The following PROM1 variants were observed in gnomAD, a reference collection of about 807,000 sequenced individuals.
PROM1 encodes prominin 1, also known as prominin-1.
Under a neutral mutation model 116.9 loss-of-function variants are expected in PROM1, and 105 were observed. The ratio of observed to expected loss-of-function variants is 0.90; its 90% CI spans 0.77 to 1.06. The LOEUF (loss-of-function observed/expected upper bound fraction) is 1.06. Among genes scored for constraint, PROM1 ranks in the 50% least tolerant of loss-of-function variants. The pLI is 0.00. For missense variants in PROM1, 1,122 were observed against 1,045.2 expected, an observed-to-expected ratio of 1.07 and a Z score of -1.01; for synonymous variants, 393 against 387.0, an observed-to-expected ratio of 1.02 and a Z score of -0.18.
At chr4:15,978,147 A>T (rs1233973216) in intron 26 of PROM1, among the ~76,000 whole-genome samples, 1 of 152,184 alleles carries the variant, frequency 6.6e-6, no homozygotes, top group Non-Finnish European at 1.5e-5. Context: ...ACCGAATCTG[A>T]TGGCACCTTG....
chr4:16,014,617 T>C lies in PROM1; in HGVS notation c.1078-1279A>G, dbSNP rs111969210. On this transcript the variant is annotated intron_variant, in intron 10 of 27. Transcript: ENST00000447510. ...AAAAATCAGAACCTGATGATGACAT[T>C]TGGCAGTAGGATATAAATAACTCCC... Among the ~76,000 whole-genome samples the C allele has an allele frequency of 4.2e-3, 634 of 152,262 alleles. 9 individuals carry two copies. Among genetic ancestry groups the C allele is most frequent in the African/African-American group, 0.015 (603 of 41,552 alleles).
intron 2 of PROM1, among the ~76,000 whole-genome samples, chr4:16,058,650 GAAAA>G (rs74677849): frequency 7.7e-6 from 1 of 129,792 alleles, no homozygotes; most frequent in Non-Finnish European, 1.7e-5. Flanking sequence ...CCATCTCCGG[GAAAA>G]AAAAAAAAAA....
intron 18 of PROM1, 133 bp from the exon 19 acceptor site, chr4:15,989,957 TG>T: frequency 4.3e-6 from 3 of 690,670 alleles, no homozygotes; most frequent in African/African-American, 1.8e-5. Flanking sequence ...TGAGTGGGCA[TG>T]GGGGCTGGTG....
intron 26 of PROM1, among the ~76,000 whole-genome samples, chr4:15,975,554 GA>G (rs879910985): frequency 1.3e-5 from 2 of 152,124 alleles, no homozygotes; most frequent in Non-Finnish European, 2.9e-5. Context: ...CTACAAGTGA[GA>G]AAACTGAGTC....
intron 13 of PROM1, among the ~76,000 whole-genome samples, chr4:16,002,629 G>A (rs749389275): frequency 4.6e-5 from 7 of 152,108 alleles, no homozygotes; most frequent in Non-Finnish European, 1.0e-4. Context: ...GACTTTCTCT[G>A]ACCTACAAGG....
intron 8 of PROM1, among the ~76,000 whole-genome samples, chr4:16,021,245 G>T (rs1413639236): frequency 6.6e-6 from 1 of 151,844 alleles, no homozygotes; most frequent in African/African-American, 2.4e-5. Flanking sequence ...GCACTGAAGA[G>T]AAAAAGAGAA....
Position 16,075,956 on chromosome 4 carries a change from C to CA in PROM1, c.-51dup. The stretch of plus-strand genomic sequence containing the variant: ...AGGTAGAACTTGGTGCCTCCTGCCT[C>CA]AGAGCTTCTGGAAGCCTTGGGGAAG... On this transcript the variant is annotated 5_prime_UTR_variant, in exon 2 of 28. The change creates a premature stop within an existing upstream ORF in the 5' untranslated region. Transcript: ENST00000447510. The CA allele has an allele frequency of 1.3e-6, 2 of 1,526,498 alleles. No individual in the cohort carries two copies. The allele number at this position is 1,526,498 out of a possible 1,614,324, so 94.6% of individuals were successfully genotyped here. A position where few individuals can be genotyped will look rare whatever the true frequency, so the allele number is the denominator to read the frequency against.
intron 2 of PROM1, among the ~76,000 whole-genome samples, chr4:16,064,375 T>C (rs917644118): frequency 6.6e-6 from 1 of 152,142 alleles, no homozygotes; most frequent in Non-Finnish European, 1.5e-5. Flanking sequence ...AAAGAGTATA[T>C]ATCGTGTGAT....
chr4:16,004,993 A>C (rs1577973767), intron 13 of PROM1, among the ~76,000 whole-genome samples: 3 of 112,148 alleles, frequency 2.7e-5, no homozygotes, highest in African/African-American at 1.1e-4. Flanking sequence ...ACAGAGTCTC[A>C]CTCTGTCGCC....
chr4:15,999,344 A>G (rs1006687770), intron 14 of PROM1, among the ~76,000 whole-genome samples: 14 of 151,926 alleles, frequency 9.2e-5, no homozygotes, highest in Admixed American at 2.6e-4. Context: ...GGTGGCGGGC[A>G]CCTGTAGTTC....
chr4:15,986,575 T>C (rs1245749885), intron 20 of PROM1, among the ~76,000 whole-genome samples: 1 of 152,194 alleles, frequency 6.6e-6, no homozygotes, highest in African/African-American at 2.4e-5. Context: ...GGCCAGTTTC[T>C]GCCCTCGACT....
chr4:16,011,869 TCAAG>T (rs1726953469), intron 11 of PROM1, among the ~76,000 whole-genome samples: 2 of 152,182 alleles, frequency 1.3e-5, no homozygotes, highest in Admixed American at 6.5e-5. Flanking sequence ...GGAAAAATAA[TCAAG>T]TATCTCTAAC....
chr4:15,982,364 T>C (rs1718189104), intron 23 of PROM1, among the ~76,000 whole-genome samples: 1 of 152,156 alleles, frequency 6.6e-6, no homozygotes, highest in Non-Finnish European at 1.5e-5. Flanking sequence ...TGTTCCCCCT[T>C]CCCTCTATGT....
intron 2 of PROM1, among the ~76,000 whole-genome samples, chr4:16,073,438 T>A (rs1186346295): frequency 3.3e-5 from 5 of 152,208 alleles, no homozygotes; most frequent in African/African-American, 4.8e-5. Context: ...ATCATGATTA[T>A]CTTATATGTG....
Position 15,984,335 on chromosome 4 carries a change from C to A in PROM1, c.2301G>T (p.Ser767=), listed in dbSNP as rs376589328. 2.5e-6 allele frequency: 4 copies of A among 1,598,148 alleles called. No homozygotes were observed. The highest frequency in any genetic ancestry group is 2.6e-6 in the Non-Finnish European group (3 of 1,171,430). Residue 767 remains serine (S), a synonymous_variant, in exon 23 of 28, where the codon TCG becomes TCT. Transcript: ENST00000447510. ...CTAGAGCGGTGGCCACAGGTTTGCA[C>A]GATGCCACTTTCTCACTGATCTAGG... ...IEFSISEKVA[S]CKPVATALDT...
chr4:15,979,823 T>C, intron 25 of PROM1, 58 bp downstream of exon 25: 7 of 1,347,232 alleles, frequency 5.2e-6, no homozygotes, highest in Non-Finnish European at 7.2e-6. Context: ...GTCCATTACA[T>C]AATAATATCA....
At chr4:16,000,684 C>T in intron 13 of PROM1, 65 bp from the exon 14 acceptor site, 3 of 1,331,116 alleles carry the variant, frequency 2.3e-6, no homozygotes, top group South Asian at 1.5e-5. Context: ...CTGATACTTA[C>T]TAAATCTACC....
rs1465849931 is a variant in PROM1 at position 15,971,374 on chromosome 4, G to A, written c.2583-292C>T. On this transcript the variant is annotated intron_variant, in intron 26 of 27. Coordinates refer to ENST00000447510, the MANE Select transcript of PROM1 (RefSeq NM_006017.3). ...AAGTGTTAAGAGTCACTAAGAATAC[G>A]TGTTGAAGACATTAGACCAGCAGCA... 8.2e-5 allele frequency: 28 copies of A among 341,058 alleles called. No homozygotes were observed. In the Admixed American group the frequency reaches 1.2e-3, roughly 15 times the overall value. 21.1% of individuals were successfully genotyped at this position (341,058 alleles called of 1,614,324 possible).
At position 15,968,770 on chromosome 4, in the gene PROM1, T is replaced by C. The variant is rs924685611; in HGVS notation, c.*623A>G. ...CAAGTGGAACATGGCCAATCTTTGATAAAGTATAATAGATGAAAATCTCTG... is the reference window on the plus strand; with the variant it reads ...CAAGTGGAACATGGCCAATCTTTGACAAAGTATAATAGATGAAAATCTCTG... On this transcript the variant is annotated 3_prime_UTR_variant, in exon 28 of 28. Transcript: ENST00000447510. The C allele has an allele frequency of 6.6e-6, 1 of 152,250 alleles. No individual in the cohort carries two copies. Among genetic ancestry groups the C allele is most frequent in the Non-Finnish European group, 1.5e-5 (1 of 68,036 alleles). The allele number at this position is 152,250 out of a possible 1,614,324, so 9.4% of individuals were successfully genotyped here.
Sources: allele counts gnomAD v4.1 joint callset (sites outside exome capture counted in the v4.1 genomes callset), GRCh38; gene constraint gnomAD v4.1.1; transcripts MANE v1.5; gene names NCBI Gene and HGNC (gene_info 2026-07-23, HGNC 2026-07-21).